The following ZFHX4 variants were observed in gnomAD, a reference collection of about 807,000 sequenced individuals.
The protein encoded by ZFHX4 is zinc finger homeobox protein 4.
ZFHX4 carries 56 observed loss-of-function variants against 267.6 expected under a neutral mutation model. That is an observed-to-expected ratio of 0.21 (90% CI 0.17 to 0.26). ZFHX4 has a LOEUF of 0.26. ZFHX4 is among the 10% of genes least tolerant of loss of function. The pLI, the probability that ZFHX4 is intolerant of heterozygous loss-of-function variation, is 1.00. For missense variants in ZFHX4, 4,332 were observed against 4,420.0 expected (o/e 0.98, Z 0.56); for synonymous variants, 1,778 against 1,665.6 (o/e 1.07, Z -1.64).
chr8:76,766,255 G>T (rs1810048706), intron 3 of ZFHX4, among the ~76,000 whole-genome samples: 1 of 151,760 alleles, frequency 6.6e-6, no homozygotes, highest in Non-Finnish European at 1.5e-5. Context: ...TGCAAAATAT[G>T]CTCTAATGTC....
rs1033270929 is a variant in ZFHX4 at position 76,850,227 on chromosome 8, C to T, written c.3847-18C>T. ...ATTTCTGGGGTACATTTAACATAAACCCCTTTGGTTTCCAAAGGTGCCTGT... is the reference window on the plus strand; with the variant it reads ...ATTTCTGGGGTACATTTAACATAAATCCCTTTGGTTTCCAAAGGTGCCTGT... On this transcript the variant is annotated intron_variant, in intron 8 of 10. Transcript: ENST00000651372. 1.3e-6 allele frequency: 2 copies of T among 1,591,962 alleles called. No individual in the cohort carries two copies. The highest frequency in any genetic ancestry group is 1.7e-6 in the Non-Finnish European group (2 of 1,164,854).
In ZFHX4 at chr8:76,705,657, G is replaced by A. The variant is rs764465054; in HGVS notation, c.1569G>A (p.Ser523=). The A allele has an allele frequency of 8.7e-6, 14 of 1,613,780 alleles. No individual in the cohort carries two copies. Among genetic ancestry groups the A allele is most frequent in the Middle Eastern group, 1.6e-4 (1 of 6,084 alleles). ...SVLKFIEKGT[S]SSSATVSDDT... is the part of the protein sequence containing the mutation. ...TAAAATTTATTGAAAAGGGTACCTCGTCCTCCTCGGCGACTGTTTCTGATG... is the reference window on the plus strand; with the variant it reads ...TAAAATTTATTGAAAAGGGTACCTCATCCTCCTCGGCGACTGTTTCTGATG... The change falls in exon 2 of 11, where the codon TCG becomes TCA. Residue 523 remains serine, a synonymous_variant. Transcript: ENST00000651372.
intron 10 of ZFHX4, among the ~76,000 whole-genome samples, chr8:76,860,168 G>A (rs557912111): frequency 8.9e-4 from 136 of 152,066 alleles, no homozygotes; most frequent in African/African-American, 3.0e-3. Context: ...TATTTTTACT[G>A]CAAATTTTTA....
intron 1 of ZFHX4, among the ~76,000 whole-genome samples, chr8:76,690,869 T>G (rs1807804783): frequency 6.6e-6 from 1 of 152,040 alleles, no homozygotes. Flanking sequence ...TTGGCCAATA[T>G]AATCTCAACA....
chr8:76,721,445 A>T (rs1021388854), intron 3 of ZFHX4, among the ~76,000 whole-genome samples: 2 of 152,196 alleles, frequency 1.3e-5, no homozygotes, highest in African/African-American at 2.4e-5. Context: ...GGCAAATGAG[A>T]CAGACACAAA....
At chr8:76,807,835 G>A (rs192440028) in intron 4 of ZFHX4, among the ~76,000 whole-genome samples, 2 of 152,206 alleles carry the variant, frequency 1.3e-5, no homozygotes, top group East Asian at 1.9e-4. Flanking sequence ...TAAGTGGATA[G>A]TAATGATTTT....
chr8:76,783,487 A>G (rs1432983801), intron 4 of ZFHX4, among the ~76,000 whole-genome samples: 1 of 151,948 alleles, frequency 6.6e-6, no homozygotes, highest in Non-Finnish European at 1.5e-5. Context: ...TTCTTTTTTT[A>G]AAAAAGTACA....
At chr8:76,761,470 CTT>C (rs1809910907) in intron 3 of ZFHX4, among the ~76,000 whole-genome samples, 1 of 152,122 alleles carries the variant, frequency 6.6e-6, no homozygotes, top group Admixed American at 6.6e-5. Context: ...GTGAAATAAA[CTT>C]ATATATTATA....
At chr8:76,698,161 C>T (rs1304813403) in intron 1 of ZFHX4, among the ~76,000 whole-genome samples, 1 of 152,094 alleles carries the variant, frequency 6.6e-6, no homozygotes, top group Non-Finnish European at 1.5e-5. Flanking sequence ...GCAAACTATT[C>T]ATTTTCAATT....
chr8:76,793,447 T>C (rs778649121), intron 4 of ZFHX4, among the ~76,000 whole-genome samples: 1 of 152,208 alleles, frequency 6.6e-6, no homozygotes, highest in African/African-American at 2.4e-5. Flanking sequence ...AAATCCCTAC[T>C]TGATTTCAAA....
chr8:76,750,910 A>G (rs1162504134), intron 3 of ZFHX4, among the ~76,000 whole-genome samples: 1 of 152,182 alleles, frequency 6.6e-6, no homozygotes, highest in East Asian at 1.9e-4. Context: ...AAGAGAACGA[A>G]TTGATTACTG....
intron 4 of ZFHX4, among the ~76,000 whole-genome samples, chr8:76,802,660 T>C (rs1191277305): frequency 6.6e-6 from 1 of 152,172 alleles, no homozygotes; most frequent in Non-Finnish European, 1.5e-5. Flanking sequence ...TTAGAAAATA[T>C]GACTTTACAA....
chr8:76,862,162 A>G (rs1181030318), intron 10 of ZFHX4, among the ~76,000 whole-genome samples: 1 of 152,204 alleles, frequency 6.6e-6, no homozygotes. Flanking sequence ...TGGCTGTGTA[A>G]TAGGTTATTA....
At chr8:76,833,436 T>C in intron 5 of ZFHX4, 30 bp downstream of exon 5, 18 of 1,542,536 alleles carry the variant, frequency 1.2e-5, no homozygotes, top group Non-Finnish European at 1.6e-5. Flanking sequence ...CTCAAAATAT[T>C]TCCTTGTCCT....
chr8:76,805,381 T>C (rs1482053764), intron 4 of ZFHX4, among the ~76,000 whole-genome samples: 1 of 152,128 alleles, frequency 6.6e-6, no homozygotes, highest in Non-Finnish European at 1.5e-5. Flanking sequence ...AGAAATCAGA[T>C]CATAAAGGAC....
At chr8:76,700,530 T>C (rs1808076179) in intron 1 of ZFHX4, among the ~76,000 whole-genome samples, 1 of 152,168 alleles carries the variant, frequency 6.6e-6, no homozygotes, top group Non-Finnish European at 1.5e-5. Flanking sequence ...CCCCTTTCAT[T>C]AGTCAGGCTC....
Position 76,864,167 on chromosome 8 carries a change from G to C in ZFHX4, c.10453G>C (p.Glu3485Gln). The change falls in exon 11 of 11, where the codon GAG (glutamate) becomes CAG (glutamine). Residue 3485 changes from glutamate (E) to glutamine (Q), a missense_variant. Around this residue, in one of 7 missense-constraint regions of ZFHX4, gnomAD observed 1,648 missense variants for 1,625.0 expected, o/e 1.01. Transcript: ENST00000651372. ...TIKQAMRNAK[E>Q]HVRLLPHSVC... ...CAAACAAGCAATGAGAAATGCCAAAGAGCATGTTAGATTATTACCTCACTC... is the reference window on the plus strand; with the variant it reads ...CAAACAAGCAATGAGAAATGCCAAACAGCATGTTAGATTATTACCTCACTC... The C allele has an allele frequency of 5.0e-6, 8 of 1,613,908 alleles. No individual in the cohort carries two copies. The highest frequency in any genetic ancestry group is 6.8e-6 in the Non-Finnish European group (8 of 1,179,840).
In ZFHX4 at chr8:76,747,652, C is replaced by T. The variant is rs999983596; in HGVS notation, c.3094-30556C>T. On this transcript the variant is annotated intron_variant, in intron 3 of 10. Transcript: ENST00000651372. ...TGTTGACAAAATGAAAGAATAAAGG[C>T]CAGGCACAGTGGCTCACGCCTGTAA... Among the ~76,000 whole-genome samples, 17 of 152,244 alleles carry T rather than the reference C, an allele frequency of 1.1e-4. No individual in the cohort carries two copies. The East Asian group carries it at 2.1e-3, about 19-fold the overall frequency.
At chr8:76,747,400 T>C (rs992712755) in intron 3 of ZFHX4, among the ~76,000 whole-genome samples, 4 of 152,120 alleles carry the variant, frequency 2.6e-5, no homozygotes, top group Admixed American at 1.3e-4. Flanking sequence ...AACCAATAAG[T>C]AGATTTCGAT....
Sources: allele counts gnomAD v4.1 joint callset (sites outside exome capture counted in the v4.1 genomes callset), GRCh38; gene constraint gnomAD v4.1.1; regional missense constraint gnomAD v4.1.1; transcripts MANE v1.5; gene names NCBI Gene and HGNC (gene_info 2026-07-23, HGNC 2026-07-21).